The following WDR27 variants were observed in gnomAD, a reference collection of about 807,000 sequenced individuals.
The protein encoded by WDR27 is WD repeat domain 27.
A neutral mutation model predicts 114.4 loss-of-function variants in WDR27; 100 were observed. The observed-to-expected ratio is 0.87, with a 90% CI of 0.74 to 1.03. The LOEUF is 1.03. WDR27 is among the 50% of genes least tolerant of loss of function. The probability of loss-of-function intolerance (pLI) is 0.00; values close to 1 mark genes in which losing one functional copy is unlikely to be tolerated. For missense variants in WDR27, 1,129 were observed against 1,092.9 expected (o/e 1.03, Z -0.47); for synonymous variants, 449 against 423.1 (o/e 1.06, Z -0.75).
At position 169,508,275 on chromosome 6, in the gene WDR27, C is replaced by A. The variant is rs145804978; in HGVS notation, c.2646-50641G>T. On this transcript the variant is annotated intron_variant, in intron 25 of 25. Coordinates refer to ENST00000448612, the MANE Select transcript of WDR27 (RefSeq NM_182552.5). ...TCAAAAAATAAAAATACATTAAAATCAAGCTACAAGCAAAGTAACTTTCTG... is the reference window on the plus strand; with the variant it reads ...TCAAAAAATAAAAATACATTAAAATAAAGCTACAAGCAAAGTAACTTTCTG... Among the ~76,000 whole-genome samples the A allele has an allele frequency of 1.7e-3, 265 of 152,308 alleles. 3 individuals are homozygous for A. The highest frequency in any genetic ancestry group is 5.9e-3 in the African/African-American group (246 of 41,568).
At chr6:169,590,026 C>T (rs1475561871) in intron 23 of WDR27, among the ~76,000 whole-genome samples, 5 of 150,444 alleles carry the variant, frequency 3.3e-5, no homozygotes, top group Admixed American at 6.6e-5. Context: ...GCTGGAATAA[C>T]GCTTGACTGC....
chr6:169,627,014 G>C (rs1275645937), intron 21 of WDR27, among the ~76,000 whole-genome samples: 1 of 152,200 alleles, frequency 6.6e-6, no homozygotes, highest in East Asian at 1.9e-4. Flanking sequence ...CTGGTAAGGA[G>C]AGCAGAGTTC....
At chr6:169,432,204 G>A in the WDR27 span, among the ~76,000 whole-genome samples, 368 of 152,302 alleles carry the variant, frequency 2.4e-3, 2 homozygotes, top group Non-Finnish European at 4.4e-3. Flanking sequence ...AAAGACAATC[G>A]TTTTATTTTC....
intron 25 of WDR27, among the ~76,000 whole-genome samples, chr6:169,481,446 C>T (rs1322365978): frequency 6.6e-6 from 1 of 152,220 alleles, no homozygotes; most frequent in Admixed American, 6.5e-5. Context: ...CAGCAACCTG[C>T]TCGGGTTCCC....
At chr6:169,495,957 C>A (rs1313445817) in intron 25 of WDR27, among the ~76,000 whole-genome samples, 2 of 151,860 alleles carry the variant, frequency 1.3e-5, no homozygotes. Flanking sequence ...ACCAAAGATT[C>A]CAAAAGAAAG....
At chr6:169,519,015 C>T (rs1328869300) in intron 25 of WDR27, among the ~76,000 whole-genome samples, 1 of 152,202 alleles carries the variant, frequency 6.6e-6, no homozygotes, top group Non-Finnish European at 1.5e-5. Context: ...CAGAATGCAG[C>T]CAACTTCTTT....
intron 21 of WDR27, among the ~76,000 whole-genome samples, chr6:169,628,473 G>A (rs923760538): frequency 5.9e-5 from 9 of 152,138 alleles, no homozygotes; most frequent in Non-Finnish European, 1.0e-4. Context: ...GACACCACAC[G>A]GCTTTCAGTG....
chr6:169,550,902 GA>G (rs1287672244), intron 25 of WDR27, among the ~76,000 whole-genome samples: 1 of 152,130 alleles, frequency 6.6e-6, no homozygotes, highest in African/African-American at 2.4e-5. Context: ...GTTTTGTAGA[GA>G]CGGGGTCTCA....
At chr6:169,646,852 A>G (rs1562802587) in intron 16 of WDR27, among the ~76,000 whole-genome samples, 1 of 152,216 alleles carries the variant, frequency 6.6e-6, no homozygotes, top group Non-Finnish European at 1.5e-5. Flanking sequence ...CAAAGATCAG[A>G]AGGACATTTA....
At chr6:169,473,639 AT>A (rs1786735427) in intron 25 of WDR27, among the ~76,000 whole-genome samples, 1 of 152,128 alleles carries the variant, frequency 6.6e-6, no homozygotes, top group Non-Finnish European at 1.5e-5. Flanking sequence ...TTATATGGTT[AT>A]TAGAATGTCT....
At chr6:169,641,446 C>T (rs1327303051) in intron 17 of WDR27, among the ~76,000 whole-genome samples, 1 of 152,110 alleles carries the variant, frequency 6.6e-6, no homozygotes, top group Non-Finnish European at 1.5e-5. Context: ...TGGCCAGTTT[C>T]CCCTGTGGTG....
chr6:169,565,660 C>T (rs1287223112), intron 25 of WDR27, among the ~76,000 whole-genome samples: 1 of 152,158 alleles, frequency 6.6e-6, no homozygotes, highest in Non-Finnish European at 1.5e-5. Flanking sequence ...GTTTTGTAAA[C>T]CAAGTAACAT....
At chr6:169,625,109 C>T (rs962565756) in intron 21 of WDR27, among the ~76,000 whole-genome samples, 23 of 152,346 alleles carry the variant, frequency 1.5e-4, no homozygotes, top group South Asian at 4.1e-4. Flanking sequence ...GGAGTGTCCG[C>T]GCCAGCAGCA....
At chr6:169,593,817 C>T (rs1806236208) in intron 23 of WDR27, among the ~76,000 whole-genome samples, 1 of 152,058 alleles carries the variant, frequency 6.6e-6, no homozygotes, top group African/African-American at 2.4e-5. Context: ...GCACTGAACT[C>T]CAACCTGGGC....
intron 2 of WDR27, among the ~76,000 whole-genome samples, chr6:169,673,439 T>C (rs1189873914): frequency 4.0e-5 from 6 of 151,732 alleles, no homozygotes; most frequent in Admixed American, 6.6e-5. Context: ...TATATATATA[T>C]ACAAACACAC....
At chr6:169,640,101 A>T (rs1160733101) in intron 17 of WDR27, among the ~76,000 whole-genome samples, 1 of 152,172 alleles carries the variant, frequency 6.6e-6, no homozygotes, top group African/African-American at 2.4e-5. Context: ...CTTCCTGACG[A>T]CAAATGACCC....
intron 17 of WDR27, among the ~76,000 whole-genome samples, chr6:169,640,532 C>T (rs1305088323): frequency 6.6e-6 from 1 of 152,238 alleles, no homozygotes; most frequent in Non-Finnish European, 1.5e-5. Context: ...CAGCTAACAG[C>T]AGCTGCAAGA....
intron 25 of WDR27, among the ~76,000 whole-genome samples, chr6:169,466,001 T>C (rs1305244004): frequency 6.6e-6 from 1 of 152,240 alleles, no homozygotes; most frequent in Non-Finnish European, 1.5e-5. Flanking sequence ...GACTTAAGAA[T>C]GGTTAAGATG....
chr6:169,566,369 G>A (rs1800491640), intron 25 of WDR27, among the ~76,000 whole-genome samples: 1 of 152,190 alleles, frequency 6.6e-6, no homozygotes, highest in African/African-American at 2.4e-5. Context: ...TCCTGGCAGG[G>A]AGCCCCCAAC....
Sources: gnomAD v4.1 joint callset for allele counts (sites outside exome capture counted in the v4.1 genomes callset) on GRCh38, gnomAD v4.1.1 for gene constraint, MANE v1.5 for transcripts, NCBI Gene and HGNC (gene_info 2026-07-23, HGNC 2026-07-21) for gene names.